The following PRR16 variants were observed in gnomAD, a reference collection of about 807,000 sequenced individuals.
PRR16 encodes the protein proline rich 16.
PRR16 carries 6 observed loss-of-function variants against 18.2 expected under a neutral mutation model. The observed-to-expected ratio is 0.33, with a 90% CI of 0.18 to 0.65. The LOEUF (loss-of-function observed/expected upper bound fraction) is 0.65, where lower values mean the gene tolerates loss of function less well. PRR16 is among the 30% of genes least tolerant of loss of function. The pLI is 0.74. For synonymous variants in PRR16, 151 were observed against 147.8 expected (o/e 1.02, Z -0.16); for missense variants, 412 against 376.6 (o/e 1.09, Z -0.78).
chr5:120,543,857 TA>T (rs1299129882), intron 1 of PRR16, among the ~76,000 whole-genome samples: 2 of 152,222 alleles, frequency 1.3e-5, no homozygotes, highest in Non-Finnish European at 2.9e-5. Context: ...TCTGGTATTT[TA>T]CTTGTCCTCT....
the PRR16 span, among the ~76,000 whole-genome samples, chr5:120,734,150 G>T: frequency 1.3e-5 from 2 of 152,130 alleles, no homozygotes; most frequent in African/African-American, 4.8e-5. Context: ...TTCCTCTCTT[G>T]CTTGGAGCCT....
chr5:120,764,943 G>A, the PRR16 span, among the ~76,000 whole-genome samples: 2 of 152,024 alleles, frequency 1.3e-5, no homozygotes, highest in Admixed American at 6.6e-5. Context: ...GGATGCCTGT[G>A]TTGATCATTT....
chr5:120,688,686 C>A (rs140285631), downstream of PRR16, among the ~76,000 whole-genome samples: 427 of 152,268 alleles, frequency 2.8e-3, 4 homozygotes, highest in African/African-American at 9.2e-3. Flanking sequence ...TCCTCTTCCA[C>A]CAGTTACTGT....
chr5:120,535,773 C>T lies in PRR16; in HGVS notation c.159+71128C>T, dbSNP rs574462217. On this transcript the variant is annotated intron_variant, in intron 1 of 1. Coordinates refer to ENST00000407149, the MANE Select transcript of PRR16 (RefSeq NM_001300783.2). The stretch of plus-strand genomic sequence containing the variant: ...CAAGATTGTGCCACTGTACTCAGCC[C>T]GAGTGACAGAGTGAGATCCTGTCAA... 1.1e-3 allele frequency among the ~76,000 whole-genome samples: 162 copies of T among 151,592 alleles called. 2 individuals are homozygous for T. Among genetic ancestry groups the T allele is most frequent in the Admixed American group, 3.8e-3 (57 of 15,190 alleles).
intron 1 of PRR16, among the ~76,000 whole-genome samples, chr5:120,503,008 TG>T (rs1397219056): frequency 1.3e-5 from 2 of 152,158 alleles, no homozygotes; most frequent in Non-Finnish European, 2.9e-5. Flanking sequence ...CGCAATTCCA[TG>T]TTATGCATTG....
the PRR16 span, among the ~76,000 whole-genome samples, chr5:120,789,079 CAG>C: frequency 2.6e-5 from 4 of 151,956 alleles, no homozygotes; most frequent in African/African-American, 7.2e-5. Context: ...AGGGTTAAAA[CAG>C]GGGGTTCTCA....
chr5:120,615,384 CT>C (rs10717083), intron 1 of PRR16, among the ~76,000 whole-genome samples: 42,262 of 119,412 alleles, frequency 0.35, 4,909 homozygotes, highest in Middle Eastern at 0.45. Context: ...TCTTTCTTTT[CT>C]TTTTTTTTTT....
intron 1 of PRR16, among the ~76,000 whole-genome samples, chr5:120,674,222 A>G (rs764454555): frequency 1.3e-4 from 20 of 152,110 alleles, no homozygotes; most frequent in Non-Finnish European, 2.2e-4. Context: ...TCATACCTGC[A>G]TGCCGCTGTA....
At chr5:120,768,770 T>TTAAGAG in the PRR16 span, among the ~76,000 whole-genome samples, 1 of 151,770 alleles carries the variant, frequency 6.6e-6, no homozygotes, top group African/African-American at 2.4e-5. Flanking sequence ...CAAATTTAAT[T>TTAAGAG]TAAGAGTAAG....
chr5:120,617,653 G>A (rs996162276), intron 1 of PRR16, among the ~76,000 whole-genome samples: 2 of 152,016 alleles, frequency 1.3e-5, no homozygotes, highest in Non-Finnish European at 2.9e-5. Context: ...TATGTCAATT[G>A]TAGGAAATTA....
the PRR16 span, among the ~76,000 whole-genome samples, chr5:120,773,152 A>G: frequency 6.6e-6 from 1 of 152,048 alleles, no homozygotes; most frequent in African/African-American, 2.4e-5. Context: ...ATCCGTTAAG[A>G]CTCTTACCCA....
intron 1 of PRR16, among the ~76,000 whole-genome samples, chr5:120,605,589 C>T (rs1754127963): frequency 6.6e-6 from 1 of 152,194 alleles, no homozygotes. Context: ...TTAGAAGATA[C>T]TCTGGATTTT....
chr5:120,599,177 C>T (rs1753905107), intron 1 of PRR16, among the ~76,000 whole-genome samples: 1 of 151,718 alleles, frequency 6.6e-6, no homozygotes, highest in South Asian at 2.1e-4. Context: ...ACTTTCTATG[C>T]TATGCTTTTT....
intron 1 of PRR16, among the ~76,000 whole-genome samples, chr5:120,672,238 C>G (rs377073654): frequency 9.6e-5 from 13 of 135,114 alleles, no homozygotes; most frequent in Admixed American, 1.5e-4. Flanking sequence ...GGTGAGGGGT[C>G]TGTGTGTGTG....
At chr5:120,620,304 G>C (rs993205395) in intron 1 of PRR16, among the ~76,000 whole-genome samples, 2 of 152,154 alleles carry the variant, frequency 1.3e-5, no homozygotes, top group African/African-American at 4.8e-5. Context: ...AAAGCCAGAA[G>C]TTGTAATGGT....
intron 1 of PRR16, among the ~76,000 whole-genome samples, chr5:120,471,033 G>A (rs1349809022): frequency 2.0e-5 from 3 of 152,110 alleles, no homozygotes; most frequent in East Asian, 3.9e-4. Context: ...CGTATGTATG[G>A]ACACTGTTTC....
intron 1 of PRR16, among the ~76,000 whole-genome samples, chr5:120,577,757 A>G (rs1580744768): frequency 6.6e-6 from 1 of 152,332 alleles, no homozygotes; most frequent in East Asian, 1.9e-4. Context: ...TTATTGAATG[A>G]TGAACTCTGT....
the PRR16 span, among the ~76,000 whole-genome samples, chr5:120,777,761 G>T: frequency 6.6e-6 from 1 of 152,074 alleles, no homozygotes; most frequent in Non-Finnish European, 1.5e-5. Context: ...ATATACAGAA[G>T]CGCACTGAAT....
the PRR16 span, among the ~76,000 whole-genome samples, chr5:120,706,138 T>C: frequency 3.3e-5 from 5 of 152,136 alleles, no homozygotes; most frequent in African/African-American, 9.6e-5. Flanking sequence ...TTAGTGAAGA[T>C]GACAATTTTA....
Sources: gnomAD v4.1 joint callset for allele counts (sites outside exome capture counted in the v4.1 genomes callset) on GRCh38, gnomAD v4.1.1 for gene constraint, MANE v1.5 for transcripts, NCBI Gene and HGNC (gene_info 2026-07-23, HGNC 2026-07-21) for gene names.